The following RIT2 variants were observed in gnomAD, a reference collection of about 807,000 sequenced individuals.
RIT2 encodes GTP-binding protein Rit2.
RIT2 carries 24 observed loss-of-function variants against 23.7 expected under a neutral mutation model. That is an observed-to-expected ratio of 1.01 (90% CI 0.73 to 1.43). The LOEUF is 1.43. Among genes scored for constraint, RIT2 ranks in the 40% most tolerant of loss-of-function variants. The probability of loss-of-function intolerance (pLI) is 0.00; values close to 1 mark genes in which losing one functional copy is unlikely to be tolerated. For synonymous variants in RIT2, 107 were observed against 91.1 expected (o/e 1.17, Z -0.99); for missense variants, 236 against 266.9 (o/e 0.88, Z 0.81).
At chr18:42,772,882 A>G (rs1340091078) in intron 4 of RIT2, among the ~76,000 whole-genome samples, 1 of 152,092 alleles carries the variant, frequency 6.6e-6, no homozygotes, top group Non-Finnish European at 1.5e-5. Context: ...CTCTTTATAC[A>G]TGTTGCTGCT....
At chr18:42,966,766 T>C (rs934320056) in intron 3 of RIT2, among the ~76,000 whole-genome samples, 2 of 152,138 alleles carry the variant, frequency 1.3e-5, no homozygotes, top group African/African-American at 4.8e-5. Flanking sequence ...AATTGGGGCA[T>C]TATAAATCTG....
At chr18:42,836,560 A>C (rs1906607742) in intron 4 of RIT2, among the ~76,000 whole-genome samples, 1 of 152,308 alleles carries the variant, frequency 6.6e-6, no homozygotes, top group African/African-American at 2.4e-5. Context: ...ATGACAGAGG[A>C]GAAGCTTCGT....
intron 4 of RIT2, among the ~76,000 whole-genome samples, chr18:42,897,090 G>A (rs1046207209): frequency 6.6e-6 from 1 of 152,242 alleles, no homozygotes; most frequent in Non-Finnish European, 1.5e-5. Context: ...ATCACAGCAA[G>A]GTTCTACAGG....
At chr18:43,034,369 G>A (rs1408964309) in intron 1 of RIT2, among the ~76,000 whole-genome samples, 2 of 151,980 alleles carry the variant, frequency 1.3e-5, no homozygotes, top group Non-Finnish European at 2.9e-5. Context: ...AATTATTTCA[G>A]TTACTTTTAT....
intron 3 of RIT2, among the ~76,000 whole-genome samples, chr18:42,943,632 TG>T (rs1909656945): frequency 6.6e-6 from 1 of 152,160 alleles, no homozygotes; most frequent in Non-Finnish European, 1.5e-5. Flanking sequence ...AGAAGTGGTT[TG>T]GGTCTTTAGT....
chr18:43,026,632 GAA>G (rs746340192), intron 2 of RIT2, among the ~76,000 whole-genome samples: 17,594 of 126,732 alleles, frequency 0.14, 1,556 homozygotes, highest in Non-Finnish European at 0.19. Context: ...AAGAAAGAAA[GAA>G]AGAGAGAAAG....
At chr18:42,764,520 C>T (rs906000601) in intron 4 of RIT2, among the ~76,000 whole-genome samples, 1 of 152,166 alleles carries the variant, frequency 6.6e-6, no homozygotes, top group Non-Finnish European at 1.5e-5. Context: ...CAGGGACATA[C>T]CCCATCTCTT....
chr18:42,854,589 G>A (rs758179251), intron 4 of RIT2, among the ~76,000 whole-genome samples: 13 of 152,060 alleles, frequency 8.5e-5, no homozygotes, highest in Non-Finnish European at 1.6e-4. Flanking sequence ...CTTTGGAACC[G>A]AAACAAACAT....
intron 1 of RIT2, among the ~76,000 whole-genome samples, chr18:43,062,971 G>T (rs1912686580): frequency 1.3e-5 from 2 of 151,972 alleles, no homozygotes; most frequent in Admixed American, 1.3e-4. Context: ...TTTTTGAAAA[G>T]GAAAGGCTAG....
chr18:42,866,985 A>C (rs1373731554), intron 4 of RIT2, among the ~76,000 whole-genome samples: 1 of 152,136 alleles, frequency 6.6e-6, no homozygotes, highest in Non-Finnish European at 1.5e-5. Flanking sequence ...CACCTTCCAA[A>C]GTGAGTAAGC....
chr18:42,853,353 T>A (rs905046111), intron 4 of RIT2, among the ~76,000 whole-genome samples: 1 of 152,222 alleles, frequency 6.6e-6, no homozygotes, highest in Admixed American at 6.5e-5. Context: ...TCTGACTATG[T>A]ACAAGTTAAA....
intron 2 of RIT2, among the ~76,000 whole-genome samples, chr18:43,002,483 A>T (rs2144243573): frequency 6.6e-6 from 1 of 151,224 alleles, no homozygotes; most frequent in South Asian, 2.1e-4. Context: ...ACATTCAGTA[A>T]CACACTTTGA....
At chr18:42,940,062 G>A (rs145787432) in intron 3 of RIT2, among the ~76,000 whole-genome samples, 290 of 151,538 alleles carry the variant, frequency 1.9e-3, no homozygotes, top group Middle Eastern at 0.01. Flanking sequence ...AGCCAAAGCC[G>A]AATAACAATA....
intron 1 of RIT2, among the ~76,000 whole-genome samples, chr18:43,070,370 T>C (rs931198567): frequency 6.6e-6 from 1 of 152,186 alleles, no homozygotes; most frequent in Non-Finnish European, 1.5e-5. Flanking sequence ...ACAAAACCTA[T>C]GGTGATCCTC....
intron 2 of RIT2, among the ~76,000 whole-genome samples, chr18:43,002,634 T>C (rs890555253): frequency 6.6e-6 from 1 of 151,912 alleles, no homozygotes; most frequent in Non-Finnish European, 1.5e-5. Flanking sequence ...GACTAGGGCA[T>C]TGATGAGCCA....
At chr18:42,993,900 A>G (rs535870323) in intron 2 of RIT2, among the ~76,000 whole-genome samples, 104 of 152,254 alleles carry the variant, frequency 6.8e-4, no homozygotes, top group African/African-American at 2.2e-3. Context: ...AAAGGATTAA[A>G]GCCTGTTATC....
chr18:43,065,952 A>G (rs1912762158), intron 1 of RIT2, among the ~76,000 whole-genome samples: 1 of 152,194 alleles, frequency 6.6e-6, no homozygotes, highest in South Asian at 2.1e-4. Context: ...TGTTAAGGCT[A>G]TACAATTACA....
At chr18:42,945,905 G>T (rs568508081) in intron 3 of RIT2, among the ~76,000 whole-genome samples, 40 of 152,154 alleles carry the variant, frequency 2.6e-4, no homozygotes, top group African/African-American at 9.6e-4. Context: ...ATTTGCATGA[G>T]GAAAATAAGA....
intron 1 of RIT2, among the ~76,000 whole-genome samples, chr18:43,105,936 A>T (rs1913811787): frequency 6.6e-6 from 1 of 152,196 alleles, no homozygotes; most frequent in African/African-American, 2.4e-5. Context: ...GTTGATCAAA[A>T]TAATATATGG....
Sources: allele counts gnomAD v4.1 joint callset (sites outside exome capture counted in the v4.1 genomes callset), GRCh38; gene constraint gnomAD v4.1.1; transcripts MANE v1.5; gene names NCBI Gene and HGNC (gene_info 2026-07-23, HGNC 2026-07-21).